The following VAV3 variants were observed in gnomAD, a reference collection of about 807,000 sequenced individuals.
The protein encoded by VAV3 is vav guanine nucleotide exchange factor 3, also known as guanine nucleotide exchange factor VAV3.
VAV3 carries 94 observed loss-of-function variants against 131.2 expected under a neutral mutation model. The observed-to-expected ratio is 0.72, with a 90% CI of 0.61 to 0.85. The LOEUF is 0.85. Ranked by LOEUF, VAV3 falls within the 40% of genes least tolerant of loss-of-function variation. The pLI is 0.00. For synonymous variants in VAV3, 349 were observed against 342.0 expected (o/e 1.02, Z -0.22); for missense variants, 939 against 1,002.7 (o/e 0.94, Z 0.86).
chr1:107,786,129 T>A (rs1570952249), intron 2 of VAV3, among the ~76,000 whole-genome samples: 1 of 152,306 alleles, frequency 6.6e-6, no homozygotes, highest in African/African-American at 2.4e-5. Context: ...AACATTTCTA[T>A]GTCAGGAAGA....
At chr1:107,866,641 C>T (rs1044285575) in intron 2 of VAV3, among the ~76,000 whole-genome samples, 6 of 151,390 alleles carry the variant, frequency 4.0e-5, no homozygotes, top group East Asian at 2.0e-4. Context: ...GCCAACATGG[C>T]GAAACCCCAT....
Position 107,874,964 on chromosome 1 carries a change from A to G in VAV3, c.258T>C (p.Phe86=). The G allele has an allele frequency of 6.2e-7, 1 of 1,613,460 alleles. No individual in the cohort carries two copies. Among genetic ancestry groups the G allele is most frequent in the East Asian group, 2.2e-5 (1 of 44,834 alleles). The change falls in exon 2 of 27, where the codon TTT becomes TTC. Residue 86 remains phenylalanine (F), a synonymous_variant. Transcript: ENST00000370056. ...CGAAAAGTTCACTTTTCCTCATTCC[A>G]AACGTCTCACAACAGGCCGTGAGAA... ...RTFLTACCET[F]GMRKSELFEA...
At chr1:107,880,904 A>G (rs1557899214) in intron 1 of VAV3, among the ~76,000 whole-genome samples, 2 of 152,210 alleles carry the variant, frequency 1.3e-5, no homozygotes. Context: ...CTATGTGTCA[A>G]GCTCTATGCT....
intron 15 of VAV3, among the ~76,000 whole-genome samples, chr1:107,747,367 A>C (rs1008316361): frequency 1.3e-5 from 2 of 152,202 alleles, no homozygotes; most frequent in African/African-American, 4.8e-5. Flanking sequence ...ATAAAAAAAA[A>C]AGCCTAGCAT....
intron 2 of VAV3, among the ~76,000 whole-genome samples, chr1:107,793,539 AG>A (rs1666399356): frequency 6.6e-6 from 1 of 152,204 alleles, no homozygotes; most frequent in African/African-American, 2.4e-5. Context: ...ACAGATGCTC[AG>A]TAACTACATC....
chr1:107,739,974 A>T (rs957441196), intron 15 of VAV3, among the ~76,000 whole-genome samples: 2 of 152,220 alleles, frequency 1.3e-5, no homozygotes, highest in South Asian at 4.1e-4. Context: ...TCAAGAGCAC[A>T]AAGAGCATCA....
Position 107,777,446 on chromosome 1 carries a change from T to C in VAV3, c.381-150A>G, listed in dbSNP as rs1028021895. ...CACCATGTCTAACAATATCTAGGGC[T>C]TTCCCTAAAGTGCCTGCTCAGTGGC... On this transcript the variant is annotated intron_variant, in intron 3 of 26. Transcript: ENST00000370056. The C allele has an allele frequency of 1.2e-5, 9 of 723,192 alleles. No individual in the cohort carries two copies. The Middle Eastern group carries it at 1.2e-3, about 95-fold the overall frequency. The allele number at this position is 723,192 out of a possible 1,614,324, so 44.8% of individuals were successfully genotyped here. A position where few individuals can be genotyped will look rare whatever the true frequency, so the allele number is the denominator to read the frequency against.
At chr1:107,816,751 T>C (rs572539549) in intron 2 of VAV3, among the ~76,000 whole-genome samples, 2 of 152,372 alleles carry the variant, frequency 1.3e-5, no homozygotes, top group South Asian at 4.1e-4. Context: ...AAGGAATATA[T>C]GAACCTTTTA....
At chr1:107,650,421 T>C (rs1656067096) in intron 19 of VAV3, among the ~76,000 whole-genome samples, 1 of 151,998 alleles carries the variant, frequency 6.6e-6, no homozygotes, top group Non-Finnish European at 1.5e-5. Context: ...CATATATAAT[T>C]TCTACTAATA....
chr1:107,587,054 G>A (rs1487385371), intron 25 of VAV3, among the ~76,000 whole-genome samples: 1 of 152,082 alleles, frequency 6.6e-6, no homozygotes, highest in African/African-American at 2.4e-5. Flanking sequence ...GGGATGGTAA[G>A]TTTGAAGTGC....
At chr1:107,779,957 T>C (rs1193703353) in intron 2 of VAV3, among the ~76,000 whole-genome samples, 5 of 152,206 alleles carry the variant, frequency 3.3e-5, no homozygotes, top group Non-Finnish European at 7.3e-5. Context: ...GCCACACACA[T>C]GTGGCCACTG....
intron 1 of VAV3, among the ~76,000 whole-genome samples, chr1:107,950,084 C>T (rs376510473): frequency 1.1e-4 from 17 of 151,658 alleles, no homozygotes; most frequent in African/African-American, 3.9e-4. Flanking sequence ...TCTGGTTCAT[C>T]GATAACGCTC....
chr1:107,746,367 A>G (rs528082183), intron 15 of VAV3, among the ~76,000 whole-genome samples: 392 of 152,344 alleles, frequency 2.6e-3, no homozygotes, highest in Non-Finnish European at 4.4e-3. Context: ...ATATCTGCAT[A>G]GACATTCAAC....
At chr1:107,907,640 C>A (rs1264710143) in intron 1 of VAV3, among the ~76,000 whole-genome samples, 1 of 152,088 alleles carries the variant, frequency 6.6e-6, no homozygotes, top group Non-Finnish European at 1.5e-5. Context: ...TCTGACCCCT[C>A]TTGCTCTCGT....
At chr1:107,755,394 G>A (rs1042140222) in intron 12 of VAV3, 33 bp downstream of exon 12, 4 of 1,465,934 alleles carry the variant, frequency 2.7e-6, no homozygotes, top group Admixed American at 1.7e-5. Context: ...ATGTGGGGGT[G>A]AGGGGAAGCT....
chr1:107,667,393 T>C (rs777627025), intron 19 of VAV3, among the ~76,000 whole-genome samples: 3 of 152,182 alleles, frequency 2.0e-5, no homozygotes, highest in Admixed American at 2.0e-4. Context: ...TAACCACTTA[T>C]ATTGTCTGGC....
chr1:107,952,468 T>TA (rs142331597), intron 1 of VAV3, among the ~76,000 whole-genome samples: 1 of 119,028 alleles, frequency 8.4e-6, no homozygotes, highest in African/African-American at 3.5e-5. Context: ...TAACAAAACT[T>TA]TATATATATA....
intron 1 of VAV3, among the ~76,000 whole-genome samples, chr1:107,926,329 T>C (rs775050302): frequency 1.3e-5 from 2 of 151,978 alleles, no homozygotes; most frequent in Non-Finnish European, 2.9e-5. Flanking sequence ...GGGGCTCCCA[T>C]TGGCCAAACA....
Position 107,751,172 on chromosome 1 carries a change from G to C in VAV3, c.1204C>G (p.Gln402Glu). 1 of 1,612,888 alleles carries C rather than the reference G, an allele frequency of 6.2e-7. No homozygotes were observed. The highest frequency in any genetic ancestry group is 8.5e-7 in the Non-Finnish European group (1 of 1,179,606). The change falls in exon 13 of 27, where the codon CAG becomes GAG. Residue 402 changes from glutamine to glutamate, a missense_variant. By Grantham distance (29) the Gln-to-Glu change is conservative. Transcript: ENST00000370056. ...GTTATTCGAATTTCACCATCTCCCT[G>C]AGGTCGTCCAAAAAGCAAAACTGGT... ...NQPVLLFGRP[Q>E]GDGEIRITTL...
Sources: gnomAD v4.1 joint callset for allele counts (sites outside exome capture counted in the v4.1 genomes callset) on GRCh38, gnomAD v4.1.1 for gene constraint, MANE v1.5 for transcripts, NCBI Gene and HGNC (gene_info 2026-07-23, HGNC 2026-07-21) for gene names.